The following CCDC192 variants were observed in gnomAD, a reference collection of about 807,000 sequenced individuals.
CCDC192 encodes the protein coiled-coil domain-containing protein 192.
chr5:127,771,845 G>T (rs117729538), intron 3 of CCDC192, among the ~76,000 whole-genome samples: 1 of 152,298 alleles, frequency 6.6e-6, no homozygotes, highest in East Asian at 1.9e-4. Flanking sequence ...GGTGAATACA[G>T]CAGGGTTTTA....
intron 2 of CCDC192, among the ~76,000 whole-genome samples, chr5:127,730,617 C>T (rs1390132138): frequency 6.6e-6 from 1 of 152,132 alleles, no homozygotes; most frequent in Non-Finnish European, 1.5e-5. Context: ...CAAAAATCCT[C>T]AATAAAATAC....
At chr5:127,908,835 C>T (rs1043473350) in intron 6 of CCDC192, among the ~76,000 whole-genome samples, 10 of 152,026 alleles carry the variant, frequency 6.6e-5, no homozygotes, top group African/African-American at 2.4e-4. Context: ...TTTTTAAGCT[C>T]TATAGGGAAA....
chr5:127,805,077 G>T (rs1757709787), intron 5 of CCDC192, among the ~76,000 whole-genome samples: 1 of 151,996 alleles, frequency 6.6e-6, no homozygotes, highest in African/African-American at 2.4e-5. Flanking sequence ...CGATCTTCCT[G>T]CCCTCCCTCT....
At chr5:127,889,525 C>T (rs1332894201) in intron 6 of CCDC192, among the ~76,000 whole-genome samples, 1 of 152,082 alleles carries the variant, frequency 6.6e-6, no homozygotes, top group Non-Finnish European at 1.5e-5. Flanking sequence ...CCTCAGCCTC[C>T]CCAGTAGCTG....
rs111779793 is a variant in CCDC192 at position 127,883,106 on chromosome 5, G to T, written c.535+7445G>T. Among the ~76,000 whole-genome samples, 577 of 152,326 alleles carry T rather than the reference G, an allele frequency of 3.8e-3. 3 individuals are homozygous for T. The highest frequency in any genetic ancestry group is 0.013 in the African/African-American group (545 of 41,568). On this transcript the variant is annotated intron_variant, in intron 6 of 6. Coordinates refer to ENST00000514853, the MANE Select transcript of CCDC192 (RefSeq NM_001317938.2). ...TTTATGGAGCTCAGGTTGATATGTA[G>T]TCAAAAGCACAGTGTTTTTGCACTC...
At chr5:127,795,873 A>G (rs183664820) in intron 3 of CCDC192, among the ~76,000 whole-genome samples, 89 of 152,294 alleles carry the variant, frequency 5.8e-4, no homozygotes, top group African/African-American at 2.0e-3. Flanking sequence ...CCAGACTGCA[A>G]TCCCAAACCA....
intron 5 of CCDC192, among the ~76,000 whole-genome samples, chr5:127,847,944 C>T (rs1038180547): frequency 1.3e-5 from 2 of 152,006 alleles, no homozygotes; most frequent in African/African-American, 4.8e-5. Context: ...TTACTGGTGC[C>T]CACCACCACA....
intron 6 of CCDC192, among the ~76,000 whole-genome samples, chr5:127,903,372 A>G (rs1753103709): frequency 6.6e-6 from 1 of 151,792 alleles, no homozygotes; most frequent in Non-Finnish European, 1.5e-5. Context: ...CCTCCTGAGT[A>G]GCTGGGATTA....
intron 6 of CCDC192, among the ~76,000 whole-genome samples, chr5:127,885,165 A>T (rs149191814): frequency 5.8e-4 from 88 of 152,268 alleles, no homozygotes; most frequent in African/African-American, 2.0e-3. Context: ...GGTTGGATGA[A>T]GGGCAAGCAC....
At chr5:127,939,974 A>T (rs1398293967) in intron 6 of CCDC192, among the ~76,000 whole-genome samples, 1 of 152,170 alleles carries the variant, frequency 6.6e-6, no homozygotes, top group Non-Finnish European at 1.5e-5. Flanking sequence ...CTTATACCTA[A>T]GTCTGCCTTT....
intron 3 of CCDC192, among the ~76,000 whole-genome samples, chr5:127,762,582 G>A (rs1754991553): frequency 6.6e-6 from 1 of 152,190 alleles, no homozygotes; most frequent in South Asian, 2.1e-4. Flanking sequence ...GTTGTTGCAG[G>A]CGGGATGTGT....
Position 127,802,985 on chromosome 5 carries a change from T to G in CCDC192, c.411+4823T>G, listed in dbSNP as rs536343873. Among the ~76,000 whole-genome samples, 72 of 152,112 alleles carry G rather than the reference T, an allele frequency of 4.7e-4. 1 individual carries two copies. The highest frequency in any genetic ancestry group is 8.1e-4 in the Non-Finnish European group (55 of 68,036). ...CAAGTGACAAAAGGTAAGGATCTCT[T>G]AGAGTGGAAACAGAAGGAAAAAAAT... On this transcript the variant is annotated intron_variant, in intron 5 of 6. Transcript: ENST00000514853.
chr5:127,719,835 G>GGT (rs1027317426), intron 2 of CCDC192, among the ~76,000 whole-genome samples: 1 of 134,668 alleles, frequency 7.4e-6, no homozygotes, highest in Non-Finnish European at 1.5e-5. Flanking sequence ...AGGAAGGGGC[G>GGT]GGGGAGGTGA....
intron 2 of CCDC192, among the ~76,000 whole-genome samples, chr5:127,728,504 T>G (rs1326524559): frequency 2.0e-5 from 3 of 152,146 alleles, no homozygotes; most frequent in Non-Finnish European, 4.4e-5. Context: ...GCTGAGGGAA[T>G]TTGTCACCAC....
chr5:127,932,433 A>G (rs1225846360), intron 6 of CCDC192, among the ~76,000 whole-genome samples: 1 of 152,052 alleles, frequency 6.6e-6, no homozygotes, highest in Non-Finnish European at 1.5e-5. Context: ...CGAACTCCCA[A>G]CTTCAGGTGA....
At chr5:127,846,526 A>G (rs1750550028) in intron 5 of CCDC192, among the ~76,000 whole-genome samples, 1 of 151,854 alleles carries the variant, frequency 6.6e-6, no homozygotes, top group East Asian at 1.9e-4. Flanking sequence ...CTGGCATGCA[A>G]TGGCAGGATT....
At chr5:127,798,551 G>A (rs1757303955) in intron 5 of CCDC192, among the ~76,000 whole-genome samples, 1 of 152,076 alleles carries the variant, frequency 6.6e-6, no homozygotes, top group Admixed American at 6.6e-5. Flanking sequence ...CTGTATGTAA[G>A]AATCACCTGA....
At chr5:127,706,754 A>G (rs905284400) in intron 1 of CCDC192, among the ~76,000 whole-genome samples, 3 of 152,170 alleles carry the variant, frequency 2.0e-5, no homozygotes, top group African/African-American at 7.2e-5. Context: ...CAAAAAATAT[A>G]ATCAATAAGC....
intron 3 of CCDC192, among the ~76,000 whole-genome samples, chr5:127,763,887 T>G (rs1755068438): frequency 6.6e-6 from 1 of 152,176 alleles, no homozygotes; most frequent in African/African-American, 2.4e-5. Flanking sequence ...CCCAAGAGAC[T>G]TCTTTTCAGA....
Sources: allele counts gnomAD v4.1 joint callset (sites outside exome capture counted in the v4.1 genomes callset), GRCh38; gene constraint gnomAD v4.1.1; transcripts MANE v1.5; gene names NCBI Gene and HGNC (gene_info 2026-07-23, HGNC 2026-07-21).